The following SMYD3 variants were observed in gnomAD, a reference collection of about 807,000 sequenced individuals.
SMYD3 encodes the protein histone-lysine N-methyltransferase SMYD3.
Under a neutral mutation model 57.7 loss-of-function variants are expected in SMYD3, and 36 were observed. The ratio of observed to expected loss-of-function variants is 0.62; its 90% CI spans 0.48 to 0.82. SMYD3 has a LOEUF of 0.82. Among genes scored for constraint, SMYD3 ranks in the 40% least tolerant of loss-of-function variants. The pLI, the probability that SMYD3 is intolerant of heterozygous loss-of-function variation, is 0.00. For synonymous variants in SMYD3, 211 were observed against 195.0 expected (o/e 1.08, Z -0.68); for missense variants, 515 against 538.8 (o/e 0.96, Z 0.44).
intron 1 of SMYD3, among the ~76,000 whole-genome samples, chr1:246,480,884 A>C (rs532343669): frequency 7.6e-4 from 115 of 151,854 alleles, no homozygotes; most frequent in Admixed American, 2.1e-3. Context: ...CTGCAACCTC[A>C]GCCTCCCAGG....
chr1:246,191,954 T>C (rs2062745525), intron 5 of SMYD3, among the ~76,000 whole-genome samples: 1 of 152,194 alleles, frequency 6.6e-6, no homozygotes, highest in Non-Finnish European at 1.5e-5. Flanking sequence ...TGAGAACCAC[T>C]GCACAAAAAC....
intron 10 of SMYD3, among the ~76,000 whole-genome samples, chr1:245,786,223 A>C (rs1187847855): frequency 1.6e-5 from 2 of 121,270 alleles, no homozygotes; most frequent in African/African-American, 6.9e-5. Context: ...CGGGGGGGGG[A>C]TGGTGGCAAC....
intron 1 of SMYD3, among the ~76,000 whole-genome samples, chr1:246,471,072 C>T (rs1407589453): frequency 1.3e-5 from 2 of 152,030 alleles, no homozygotes. Context: ...AATTTGTTTA[C>T]TTAGATAAAA....
At chr1:245,824,090 A>C (rs1213558824) in intron 10 of SMYD3, among the ~76,000 whole-genome samples, 1 of 152,128 alleles carries the variant, frequency 6.6e-6, no homozygotes, top group East Asian at 1.9e-4. Flanking sequence ...TGCCCCCTTC[A>C]GTCACAGCTA....
At chr1:246,302,134 A>G (rs1217331651) in intron 5 of SMYD3, among the ~76,000 whole-genome samples, 1 of 152,196 alleles carries the variant, frequency 6.6e-6, no homozygotes, top group East Asian at 1.9e-4. Context: ...CTTGGGGATT[A>G]TGCTTAAGCA....
At chr1:246,305,488 A>G (rs2064964405) in intron 5 of SMYD3, among the ~76,000 whole-genome samples, 1 of 152,228 alleles carries the variant, frequency 6.6e-6, no homozygotes, top group Admixed American at 6.5e-5. Context: ...CATCCATTTT[A>G]TAATGTACAG....
At chr1:246,396,725 G>A (rs899463050) in intron 1 of SMYD3, among the ~76,000 whole-genome samples, 8 of 152,158 alleles carry the variant, frequency 5.3e-5, no homozygotes, top group Non-Finnish European at 1.2e-4. Context: ...ACGTTCTCAC[G>A]AGACCTGGTT....
At chr1:245,963,076 T>C (rs532137366) in intron 5 of SMYD3, among the ~76,000 whole-genome samples, 1 of 152,282 alleles carries the variant, frequency 6.6e-6, no homozygotes, top group African/African-American at 2.4e-5. Context: ...GCTTCTGATC[T>C]GGTATGTAAG....
intron 1 of SMYD3, among the ~76,000 whole-genome samples, chr1:246,380,847 T>C (rs933795482): frequency 2.6e-5 from 4 of 152,196 alleles, no homozygotes; most frequent in Middle Eastern, 3.2e-3. Context: ...GCCATGGGTA[T>C]AGCCATGGGC....
At chr1:246,091,686 T>C (rs1428162102) in intron 5 of SMYD3, among the ~76,000 whole-genome samples, 1 of 152,220 alleles carries the variant, frequency 6.6e-6, no homozygotes, top group African/African-American at 2.4e-5. Context: ...TGTGTATGAC[T>C]GAAGCTTCAC....
At chr1:246,172,162 T>C (rs1306494111) in intron 5 of SMYD3, among the ~76,000 whole-genome samples, 1 of 152,032 alleles carries the variant, frequency 6.6e-6, no homozygotes, top group Non-Finnish European at 1.5e-5. Flanking sequence ...TACTCTACTG[T>C]AGACTATCCA....
intron 5 of SMYD3, among the ~76,000 whole-genome samples, chr1:246,228,978 A>T (rs2063371270): frequency 6.6e-6 from 1 of 152,192 alleles, no homozygotes; most frequent in South Asian, 2.1e-4. Flanking sequence ...ACATTTTCAT[A>T]CAAATTTCGA....
intron 10 of SMYD3, among the ~76,000 whole-genome samples, chr1:245,769,145 G>T (rs111373970): frequency 7.9e-4 from 120 of 152,206 alleles, no homozygotes; most frequent in African/African-American, 2.6e-3. Context: ...GAGAATTATT[G>T]GACTGAGGGG....
At chr1:245,864,155 C>T (rs1286223947) in intron 8 of SMYD3, among the ~76,000 whole-genome samples, 2 of 152,274 alleles carry the variant, frequency 1.3e-5, no homozygotes, top group African/African-American at 4.8e-5. Context: ...CATGAGAATG[C>T]AAAATGGTAG....
chr1:245,858,454 A>C, intron 10 of SMYD3, 42 bp downstream of exon 10: 1 of 1,557,298 alleles, frequency 6.4e-7, no homozygotes, highest in African/African-American at 1.4e-5. Flanking sequence ...CCCAACGTGA[A>C]GACGTCCTAG....
At chr1:246,027,535 T>C (rs1409292286) in intron 5 of SMYD3, among the ~76,000 whole-genome samples, 1 of 152,176 alleles carries the variant, frequency 6.6e-6, no homozygotes, top group Non-Finnish European at 1.5e-5. Context: ...ACTGCCCATG[T>C]TCTACCAATG....
intron 11 of SMYD3, among the ~76,000 whole-genome samples, chr1:245,750,992 A>G (rs1441643698): frequency 6.6e-6 from 1 of 152,242 alleles, no homozygotes; most frequent in Non-Finnish European, 1.5e-5. Context: ...GGAGATTCCA[A>G]CATGTTCTCA....
intron 5 of SMYD3, among the ~76,000 whole-genome samples, chr1:246,088,018 AC>A: frequency 6.6e-6 from 1 of 152,248 alleles, no homozygotes; most frequent in East Asian, 1.9e-4. Flanking sequence ...AAGAGCAATC[AC>A]TTGTTTAGAA....
At chr1:245,938,280 G>T (rs1208107501) in intron 5 of SMYD3, among the ~76,000 whole-genome samples, 1 of 152,140 alleles carries the variant, frequency 6.6e-6, no homozygotes, top group African/African-American at 2.4e-5. Flanking sequence ...GTATTTTGGG[G>T]ACTAGTGCGT....
Sources: allele counts gnomAD v4.1 joint callset (sites outside exome capture counted in the v4.1 genomes callset), GRCh38; gene constraint gnomAD v4.1.1; transcripts MANE v1.5; gene names NCBI Gene and HGNC (gene_info 2026-07-23, HGNC 2026-07-21).